The following SIPA1L1 variants were observed in gnomAD, a reference collection of about 807,000 sequenced individuals.
SIPA1L1 encodes the protein signal-induced proliferation-associated 1-like protein 1.
Under a neutral mutation model 162.7 loss-of-function variants are expected in SIPA1L1, and 26 were observed. The observed-to-expected ratio is 0.16, with a 90% CI of 0.12 to 0.22. The LOEUF (loss-of-function observed/expected upper bound fraction) is 0.22, where lower values mean the gene tolerates loss of function less well. Among genes scored for constraint, SIPA1L1 ranks in the 10% least tolerant of loss-of-function variants. The pLI, the probability that SIPA1L1 is intolerant of heterozygous loss-of-function variation, is 1.00. For missense variants in SIPA1L1, 1,874 were observed against 2,241.0 expected (o/e 0.84, Z 3.31); for synonymous variants, 829 against 837.4 (o/e 0.99, Z 0.17).
At chr14:71,616,376 G>A (rs1376726166) in intron 5 of SIPA1L1, among the ~76,000 whole-genome samples, 1 of 152,162 alleles carries the variant, frequency 6.6e-6, no homozygotes, top group Non-Finnish European at 1.5e-5. Flanking sequence ...GTGAGGAATT[G>A]GACAGCTATT....
At chr14:71,400,660 T>C (rs1049349224) in intron 2 of SIPA1L1, 3 of 151,030 alleles carry the variant, frequency 2.0e-5, no homozygotes, top group Non-Finnish European at 4.4e-5. Context: ...TTAATATGTA[T>C]ATATGTTAAT....
At chr14:71,698,958 AT>A in intron 13 of SIPA1L1, 22 bp from the exon 14 acceptor site, 1 of 1,613,942 alleles carries the variant, frequency 6.2e-7, no homozygotes, top group Non-Finnish European at 8.5e-7. Context: ...TGTTGACTTC[AT>A]GTTTTTGTAT....
At chr14:71,683,509 A>G (rs1158199127) in intron 12 of SIPA1L1, among the ~76,000 whole-genome samples, 1 of 152,236 alleles carries the variant, frequency 6.6e-6, no homozygotes, top group Non-Finnish European at 1.5e-5. Flanking sequence ...TTACTGATCC[A>G]GAACATTAGA....
chr14:71,500,662 C>T (rs1157995345), intron 2 of SIPA1L1, among the ~76,000 whole-genome samples: 1 of 152,168 alleles, frequency 6.6e-6, no homozygotes, highest in Non-Finnish European at 1.5e-5. Context: ...GTGTTTATAG[C>T]AGCATTATTT....
chr14:71,443,996 G>A (rs189423507), intron 2 of SIPA1L1, among the ~76,000 whole-genome samples: 88 of 152,316 alleles, frequency 5.8e-4, no homozygotes, highest in African/African-American at 1.7e-3. Context: ...ACCCATAGGA[G>A]ATAAATAGTA....
chr14:71,419,862 T>TA (rs985162693), intron 2 of SIPA1L1, among the ~76,000 whole-genome samples: 6 of 150,586 alleles, frequency 4.0e-5, no homozygotes, highest in East Asian at 2.0e-4. Flanking sequence ...CCCCATCTCT[T>TA]AAAAAAAAAT....
At chr14:71,506,340 C>CAT (rs201998335) in intron 2 of SIPA1L1, among the ~76,000 whole-genome samples, 2,548 of 151,788 alleles carry the variant, frequency 0.017, 72 homozygotes, top group African/African-American at 0.053. Context: ...CAAGCAAATA[C>CAT]ATATATATAT....
intron 17 of SIPA1L1, among the ~76,000 whole-genome samples, chr14:71,715,498 A>G (rs1442790666): frequency 6.6e-6 from 1 of 152,238 alleles, no homozygotes; most frequent in Admixed American, 6.5e-5. Context: ...CTCAGTGGCT[A>G]ATGGATAAAG....
intron 2 of SIPA1L1, among the ~76,000 whole-genome samples, chr14:71,367,370 G>A (rs964328810): frequency 7.5e-5 from 11 of 146,450 alleles, no homozygotes; most frequent in Admixed American, 1.4e-4. Flanking sequence ...GCAGTGGCGC[G>A]ATCTCTGCTC....
chr14:71,564,464 G>T (rs2029878799), intron 4 of SIPA1L1, among the ~76,000 whole-genome samples: 1 of 129,876 alleles, frequency 7.7e-6, no homozygotes, highest in Admixed American at 8.1e-5. Context: ...TTGATGTCCT[G>T]ACTTCTTATC....
intron 2 of SIPA1L1, among the ~76,000 whole-genome samples, chr14:71,373,538 T>C (rs2039091022): frequency 6.6e-6 from 1 of 150,740 alleles, no homozygotes; most frequent in Non-Finnish European, 1.5e-5. Context: ...GGTGGGAGAA[T>C]TGCTTGAACC....
chr14:71,734,453 C>CT (rs2085096997), intron 21 of SIPA1L1, among the ~76,000 whole-genome samples: 1 of 152,110 alleles, frequency 6.6e-6, no homozygotes, highest in Admixed American at 6.5e-5. Context: ...TGACTTTTTT[C>CT]TAAGTTTAAA....
At chr14:71,345,783 T>C (rs1294909132) in intron 2 of SIPA1L1, among the ~76,000 whole-genome samples, 1 of 152,100 alleles carries the variant, frequency 6.6e-6, no homozygotes, top group East Asian at 1.9e-4. Flanking sequence ...TTAGCCAGGA[T>C]GGTCTCCACC....
intron 2 of SIPA1L1, among the ~76,000 whole-genome samples, chr14:71,341,147 C>T (rs1354505119): frequency 6.6e-6 from 1 of 152,112 alleles, no homozygotes; most frequent in African/African-American, 2.4e-5. Flanking sequence ...GTCCAAGGCC[C>T]GGGATTGCAG....
intron 13 of SIPA1L1, among the ~76,000 whole-genome samples, chr14:71,698,471 C>T (rs1363653521): frequency 1.3e-5 from 2 of 152,144 alleles, no homozygotes; most frequent in African/African-American, 4.8e-5. Context: ...ATACTACTAC[C>T]AACCAGAATT....
chr14:71,386,476 C>A (rs1292949422), intron 2 of SIPA1L1, among the ~76,000 whole-genome samples: 1 of 152,130 alleles, frequency 6.6e-6, no homozygotes, highest in East Asian at 1.9e-4. Flanking sequence ...ACAGACACAC[C>A]CAGGAACAAT....
At chr14:71,325,997 G>A (rs1438925053) in intron 2 of SIPA1L1, among the ~76,000 whole-genome samples, 1 of 152,118 alleles carries the variant, frequency 6.6e-6, no homozygotes, top group African/African-American at 2.4e-5. Context: ...GTCACTCAAA[G>A]GCAACTTGAG....
chr14:71,353,066 GA>G (rs1408723224), intron 2 of SIPA1L1, among the ~76,000 whole-genome samples: 1 of 152,178 alleles, frequency 6.6e-6, no homozygotes, highest in Non-Finnish European at 1.5e-5. Flanking sequence ...ACACTAAAAA[GA>G]GTGAATTTCA....
intron 2 of SIPA1L1, among the ~76,000 whole-genome samples, chr14:71,423,050 G>A (rs2109276): frequency 0.16 from 24,737 of 152,074 alleles, 2,632 homozygotes; most frequent in Middle Eastern, 0.35. Context: ...TCGTAATTTT[G>A]ATTTGTATTT....
Sources: allele counts gnomAD v4.1 joint callset (sites outside exome capture counted in the v4.1 genomes callset), GRCh38; gene constraint gnomAD v4.1.1; transcripts MANE v1.5; gene names NCBI Gene and HGNC (gene_info 2026-07-23, HGNC 2026-07-21).